FHIT: variants seen among roughly 807,000 people sequenced by gnomAD.
FHIT encodes the protein bis(5'-adenosyl)-triphosphatase.
FHIT carries 19 observed loss-of-function variants against 17.9 expected under a neutral mutation model. That is an observed-to-expected ratio of 1.06 (90% CI 0.74 to 1.56). The LOEUF (loss-of-function observed/expected upper bound fraction) is 1.56. FHIT is among the 40% of genes most tolerant of loss of function. FHIT has a pLI of 0.00. For missense variants in FHIT, 248 were observed against 189.2 expected (o/e 1.31, Z -1.82); for synonymous variants, 81 against 69.7 (o/e 1.16, Z -0.81).
chr3:60,142,699 T>A (rs1700093109), intron 5 of FHIT, among the ~76,000 whole-genome samples: 1 of 151,562 alleles, frequency 6.6e-6, no homozygotes, highest in African/African-American at 2.4e-5. Context: ...TTTTTCTTTT[T>A]TTTTTTAAGA....
intron 1 of FHIT, among the ~76,000 whole-genome samples, chr3:61,207,908 G>A (rs1464149440): frequency 1.3e-5 from 2 of 152,088 alleles, no homozygotes; most frequent in Non-Finnish European, 2.9e-5. Context: ...TGTGATGTTA[G>A]GGTGGCACTT....
intron 5 of FHIT, among the ~76,000 whole-genome samples, chr3:60,062,571 C>T (rs1035515921): frequency 6.6e-6 from 1 of 152,174 alleles, no homozygotes; most frequent in Non-Finnish European, 1.5e-5. Flanking sequence ...GGTCTCCCAA[C>T]CCAAAGATCA....
chr3:60,642,764 G>A (rs1553685704), intron 4 of FHIT, among the ~76,000 whole-genome samples: 1 of 152,038 alleles, frequency 6.6e-6, no homozygotes, highest in East Asian at 1.9e-4. Flanking sequence ...TCCTCTCTTG[G>A]TTGGTGATGC....
At chr3:59,750,982 A>G (rs1176041698) in intron 9 of FHIT, 1 of 185,136 alleles carries the variant, frequency 5.4e-6, no homozygotes, top group African/African-American at 2.3e-5. Context: ...ATTTATTCAC[A>G]GGTCAGATGA....
intron 5 of FHIT, among the ~76,000 whole-genome samples, chr3:60,347,218 G>A (rs1256721327): frequency 6.6e-6 from 1 of 151,960 alleles, no homozygotes; most frequent in Non-Finnish European, 1.5e-5. Context: ...CATTTGCATT[G>A]TCTACAAAGC....
chr3:60,312,343 T>C (rs926960813), intron 5 of FHIT, among the ~76,000 whole-genome samples: 2 of 152,084 alleles, frequency 1.3e-5, no homozygotes, highest in Non-Finnish European at 2.9e-5. Context: ...GGTCTCACTA[T>C]GTTGCCTAGG....
At chr3:60,413,641 C>A (rs1194038615) in intron 5 of FHIT, among the ~76,000 whole-genome samples, 1 of 113,132 alleles carries the variant, frequency 8.8e-6, no homozygotes, top group Non-Finnish European at 1.8e-5. Context: ...AAGTTGACTG[C>A]AGGGAACTCT....
rs539916061 is a variant in FHIT at position 60,470,195 on chromosome 3, TACA to T, written c.103+66662_103+66664del. Among the ~76,000 whole-genome samples the T allele has an allele frequency of 2.4e-4, 36 of 152,128 alleles. 1 individual carries two copies. The East Asian group carries it at 7.0e-3, about 30-fold the overall frequency. On this transcript the variant is annotated intron_variant, in intron 5 of 9. Transcript: ENST00000492590. ...CTAACACTGGGTCTCACCCAAGGCC[TACA>T]ACAATTACTGCCTGGCTACCACCTA...
chr3:60,124,255 G>A (rs184755147), intron 5 of FHIT, among the ~76,000 whole-genome samples: 2 of 151,076 alleles, frequency 1.3e-5, no homozygotes, highest in Non-Finnish European at 2.9e-5. Context: ...GTACCTCCTA[G>A]AGACACCAGA....
At chr3:60,134,380 A>T (rs981691845) in intron 5 of FHIT, among the ~76,000 whole-genome samples, 1 of 152,210 alleles carries the variant, frequency 6.6e-6, no homozygotes, top group Admixed American at 6.5e-5. Flanking sequence ...AAAATTGTTC[A>T]CATTTATTCC....
At chr3:60,027,148 C>CACACAAAAA (rs1553654525) in intron 5 of FHIT, among the ~76,000 whole-genome samples, 1 of 125,748 alleles carries the variant, frequency 8.0e-6, no homozygotes, top group African/African-American at 2.7e-5. Context: ...CACACACACA[C>CACACAAAAA]AAAATTAGTA....
chr3:59,815,193 T>A (rs975170073), intron 8 of FHIT, among the ~76,000 whole-genome samples: 8 of 152,212 alleles, frequency 5.3e-5, no homozygotes, highest in African/African-American at 1.2e-4. Flanking sequence ...TTTGTTTTTT[T>A]AACTTCAGCT....
chr3:61,131,519 C>T lies in FHIT; in HGVS notation c.-164+69098G>A, dbSNP rs114322841. Among the ~76,000 whole-genome samples the T allele has an allele frequency of 3.6e-3, 543 of 152,340 alleles. 5 individuals are homozygous for T. Among genetic ancestry groups the T allele is most frequent in the African/African-American group, 0.013 (522 of 41,580 alleles). On this transcript the variant is annotated intron_variant, in intron 2 of 9. Transcript: ENST00000492590. ...CACTCTTGTATCATTAAACATTCTT[C>T]GCAGCCTTGGTCAGGAGAGGACTGC...
chr3:60,570,902 G>C (rs2037355722), intron 4 of FHIT, among the ~76,000 whole-genome samples: 1 of 151,888 alleles, frequency 6.6e-6, no homozygotes, highest in South Asian at 2.1e-4. Context: ...ACACTTAGGG[G>C]CCATTGTAGC....
intron 8 of FHIT, among the ~76,000 whole-genome samples, chr3:59,865,155 A>G (rs974969194): frequency 3.9e-5 from 6 of 152,260 alleles, no homozygotes; most frequent in African/African-American, 1.4e-4. Context: ...CCAAGGAAGA[A>G]ATGACATTTT....
At chr3:60,399,174 A>G (rs1475231260) in intron 5 of FHIT, among the ~76,000 whole-genome samples, 2 of 152,194 alleles carry the variant, frequency 1.3e-5, no homozygotes, top group Non-Finnish European at 2.9e-5. Context: ...TATAACCTAT[A>G]AAAAGTTTCC....
At chr3:60,070,813 T>C (rs1702735201) in intron 5 of FHIT, among the ~76,000 whole-genome samples, 1 of 152,226 alleles carries the variant, frequency 6.6e-6, no homozygotes. Context: ...TTTAGGTAAA[T>C]TCCTTAATAT....
chr3:61,216,790 T>C (rs2039689953), intron 1 of FHIT, among the ~76,000 whole-genome samples: 1 of 152,118 alleles, frequency 6.6e-6, no homozygotes, highest in South Asian at 2.1e-4. Context: ...GTGGCACATA[T>C]ATACCATGGA....
intron 4 of FHIT, among the ~76,000 whole-genome samples, chr3:60,783,482 A>G (rs1392382972): frequency 2.0e-5 from 3 of 152,204 alleles, no homozygotes; most frequent in Non-Finnish European, 4.4e-5. Context: ...AACAAGGCCA[A>G]GGTTTTCTTA....
Sources: allele counts gnomAD v4.1 joint callset (sites outside exome capture counted in the v4.1 genomes callset), GRCh38; gene constraint gnomAD v4.1.1; transcripts MANE v1.5; gene names NCBI Gene and HGNC (gene_info 2026-07-23, HGNC 2026-07-21).